Variants in LIN54 observed in about 807,000 individuals in gnomAD.
LIN54 encodes protein lin-54 homolog.
LIN54 carries 9 observed loss-of-function variants against 78.7 expected under a neutral mutation model. That is an observed-to-expected ratio of 0.11 (90% CI 0.07 to 0.20). The LOEUF is 0.20. Ranked by LOEUF, LIN54 falls within the 10% of genes least tolerant of loss-of-function variation. The pLI is 1.00. For synonymous variants in LIN54, 269 were observed against 318.4 expected (o/e 0.84, Z 1.65); for missense variants, 573 against 889.9 (o/e 0.64, Z 4.53).
At chr4:82,951,182 AAAGT>A (rs1472702562) in intron 4 of LIN54, among the ~76,000 whole-genome samples, 1 of 152,196 alleles carries the variant, frequency 6.6e-6, no homozygotes, top group African/African-American at 2.4e-5. Context: ...GACAAATGAT[AAAGT>A]AAGAAAAGAT....
chr4:82,982,421 G>C (rs1027016312), intron 2 of LIN54, among the ~76,000 whole-genome samples: 1 of 152,056 alleles, frequency 6.6e-6, no homozygotes, highest in Admixed American at 6.6e-5. Context: ...GTAGAAACAG[G>C]GTTTCACTAT....
At chr4:82,982,665 G>C (rs1449420091) in intron 2 of LIN54, among the ~76,000 whole-genome samples, 1 of 152,098 alleles carries the variant, frequency 6.6e-6, no homozygotes, top group East Asian at 1.9e-4. Context: ...AGAGATTCTT[G>C]GCAAAAATAA....
At chr4:83,004,548 G>A (rs1729167815) in intron 1 of LIN54, among the ~76,000 whole-genome samples, 1 of 152,118 alleles carries the variant, frequency 6.6e-6, no homozygotes, top group Non-Finnish European at 1.5e-5. Flanking sequence ...AGAGTGCAAT[G>A]CCAAGATCAT....
rs754665308 is a variant in LIN54, at chr4:82,926,906, G to C, written c.*1196C>G. Reference sequence around the variant, plus strand: ...CTTATGCCTGTAATCCCAGCACTTTGGGAGGCCGAGGCGGGCGAATCACGA... The same window carrying C: ...CTTATGCCTGTAATCCCAGCACTTTCGGAGGCCGAGGCGGGCGAATCACGA... On this transcript the variant is annotated 3_prime_UTR_variant, in exon 13 of 13. Coordinates refer to ENST00000340417, the MANE Select transcript of LIN54 (RefSeq NM_194282.4). 1 of 152,250 alleles carries C rather than the reference G, an allele frequency of 6.6e-6. No homozygotes were observed. The highest frequency in any genetic ancestry group is 1.5e-5 in the Non-Finnish European group (1 of 68,086). The allele number at this position is 152,250 out of a possible 1,614,324, so 9.4% of individuals were successfully genotyped here.
chr4:82,928,346 TAAC>T (rs781215311), intron 12 of LIN54, 43 bp from the exon 13 acceptor site: 7 of 1,468,004 alleles, frequency 4.8e-6, no homozygotes, highest in Admixed American at 1.7e-5. Context: ...TGGTGTTAAA[TAAC>T]AACAAAAGTG....
chr4:82,959,008 A>C (rs1359891331), intron 4 of LIN54, among the ~76,000 whole-genome samples: 2 of 151,544 alleles, frequency 1.3e-5, no homozygotes, highest in African/African-American at 4.8e-5. Flanking sequence ...AGCCTATTTA[A>C]TATGTTTTTA....
Position 82,927,870 on chromosome 4 carries a change from T to G in LIN54, c.*232A>C, listed in dbSNP as rs1284850412. The G allele has an allele frequency of 2.3e-6, 1 of 430,380 alleles. No homozygotes were observed. The highest frequency in any genetic ancestry group is 4.1e-6 in the Non-Finnish European group (1 of 243,886). 26.7% of individuals were successfully genotyped at this position (430,380 alleles called of 1,614,324 possible). On this transcript the variant is annotated 3_prime_UTR_variant, in exon 13 of 13. Transcript: ENST00000340417. The stretch of plus-strand genomic sequence containing the variant: ...TAAGAAACCCAAGCAAATTAAAAAA[T>G]CTATATAATAAAGAAAAATTCAATT...
intron 1 of LIN54, among the ~76,000 whole-genome samples, chr4:83,000,850 G>T (rs2126107557): frequency 3.9e-4 from 1 of 2,562 alleles, no homozygotes. Flanking sequence ...TGGAGATAGA[G>T]TCCCAGGGTG....
intron 4 of LIN54, among the ~76,000 whole-genome samples, chr4:82,960,596 G>T (rs1320541247): frequency 1.3e-5 from 2 of 151,972 alleles, no homozygotes; most frequent in Middle Eastern, 3.2e-3. Context: ...ACCACACCTG[G>T]CTAAGTTTTT....
intron 4 of LIN54, among the ~76,000 whole-genome samples, chr4:82,957,499 T>C (rs564354406): frequency 2.0e-5 from 3 of 152,330 alleles, no homozygotes; most frequent in Admixed American, 2.0e-4. Flanking sequence ...TCTGACCCTA[T>C]GTTTATTTTC....
chr4:82,940,383 AT>A (rs1722749755), intron 5 of LIN54, among the ~76,000 whole-genome samples: 1 of 152,080 alleles, frequency 6.6e-6, no homozygotes, highest in East Asian at 1.9e-4. Flanking sequence ...AGAATATATC[AT>A]TCTTGGGTTT....
intron 4 of LIN54, among the ~76,000 whole-genome samples, chr4:82,963,393 C>A (rs140927637): frequency 5.9e-4 from 89 of 152,128 alleles, no homozygotes; most frequent in African/African-American, 1.7e-3. Flanking sequence ...TTGGACCTAC[C>A]CAAAGCAAGG....
At position 83,003,456 on chromosome 4, in the gene LIN54, G is replaced by C. The variant is rs375775456; in HGVS notation, c.-33+7028C>G. On this transcript the variant is annotated intron_variant, in intron 1 of 12. Coordinates refer to ENST00000340417, the MANE Select transcript of LIN54 (RefSeq NM_194282.4). ...TTTTGAAAGGTTTGTATTTCCCAGA[G>C]AAGACTGGTATGGCCCCTGCACAAG... The C allele has an allele frequency of 2.6e-5, 4 of 152,194 alleles. No individual in the cohort carries two copies. The East Asian group carries it at 7.7e-4, about 29-fold the overall frequency. 9.4% of individuals were successfully genotyped at this position (152,194 alleles called of 1,614,324 possible). A position where few individuals can be genotyped will look rare whatever the true frequency, so the allele number is the denominator to read the frequency against.
upstream of LIN54, chr4:83,012,893 C>A: frequency 1.3e-5 from 2 of 152,338 alleles, no homozygotes; most frequent in South Asian, 3.9e-4. Context: ...AGGGTTTGTT[C>A]AAAATCACGC....
intron 4 of LIN54, among the ~76,000 whole-genome samples, chr4:82,957,244 G>A (rs182500067): frequency 1.9e-3 from 290 of 152,100 alleles, no homozygotes; most frequent in African/African-American, 6.7e-3. Context: ...ACTTCCTGCC[G>A]GGATATTTGC....
chr4:82,995,630 G>C (rs925221343), intron 1 of LIN54, among the ~76,000 whole-genome samples: 1 of 150,970 alleles, frequency 6.6e-6, no homozygotes, highest in East Asian at 2.0e-4. Flanking sequence ...CAAGTAGCTG[G>C]GACTACAGGT....
intron 2 of LIN54, among the ~76,000 whole-genome samples, chr4:82,982,188 G>GA (rs1390400877): frequency 6.6e-6 from 1 of 151,806 alleles, no homozygotes. Context: ...TCTCATAAAT[G>GA]AAAAAAATGA....
chr4:82,967,441 T>C (rs898181219), intron 4 of LIN54, among the ~76,000 whole-genome samples: 1 of 151,996 alleles, frequency 6.6e-6, no homozygotes, highest in Non-Finnish European at 1.5e-5. Flanking sequence ...AGGGCAAAGA[T>C]TTAGAGGACA....
chr4:82,930,644 C>T (rs151335750), intron 12 of LIN54, among the ~76,000 whole-genome samples: 1 of 152,258 alleles, frequency 6.6e-6, no homozygotes, highest in Non-Finnish European at 1.5e-5. Flanking sequence ...ACACGTTCAG[C>T]GAGACATATG....
Sources: allele counts gnomAD v4.1 joint callset (sites outside exome capture counted in the v4.1 genomes callset), GRCh38; gene constraint gnomAD v4.1.1; transcripts MANE v1.5; gene names NCBI Gene and HGNC (gene_info 2026-07-23, HGNC 2026-07-21).